Variants in CTDSPL2 observed in about 807,000 individuals in gnomAD.
CTDSPL2 encodes CTD small phosphatase like 2, also known as CTD small phosphatase-like protein 2.
In CTDSPL2, 5 loss-of-function variants were observed where a neutral mutation model predicts 60.0. The ratio of observed to expected loss-of-function variants is 0.08; its 90% confidence interval spans 0.04 to 0.18. The LOEUF (loss-of-function observed/expected upper bound fraction) is 0.18, where lower values mean the gene tolerates loss of function less well. Ranked by LOEUF, CTDSPL2 falls within the 10% of genes least tolerant of loss-of-function variation. The pLI, the probability that CTDSPL2 is intolerant of heterozygous loss-of-function variation, is 1.00. For missense variants in CTDSPL2, 370 were observed against 548.8 expected, an observed-to-expected ratio of 0.67 and a Z score of 3.26; for synonymous variants, 186 against 189.3, an observed-to-expected ratio of 0.98 and a Z score of 0.14.
rs917818588 is a variant in CTDSPL2, at chr15:44,528,925, T to G, written c.*4751T>G. 4 of 152,224 alleles carry G rather than the reference T, an allele frequency of 2.6e-5. No individual in the cohort carries two copies. Among genetic ancestry groups the G allele is most frequent in the African/African-American group, 9.6e-5 (4 of 41,466 alleles). 9.4% of individuals were successfully genotyped at this position (152,224 alleles called of 1,614,324 possible). The stretch of plus-strand genomic sequence containing the variant: ...CTCAATTTAATTTCTTCTTATTTAC[T>G]ATGCAGTATAGCCGTGAACAAGTAA... On this transcript the variant is annotated 3_prime_UTR_variant, in exon 13 of 13. Transcript: ENST00000260327.
intron 1 of CTDSPL2, among the ~76,000 whole-genome samples, chr15:44,443,544 C>T (rs904046923): frequency 5.3e-5 from 8 of 152,146 alleles, no homozygotes; most frequent in African/African-American, 1.7e-4. Flanking sequence ...TCTAATTTCT[C>T]CACATTCTTG....
chr15:44,474,262 G>A (rs887863047), intron 2 of CTDSPL2, among the ~76,000 whole-genome samples: 7 of 152,172 alleles, frequency 4.6e-5, no homozygotes, highest in African/African-American at 1.7e-4. Context: ...GAAGGGCAGA[G>A]GGTGGATTGC....
chr15:44,445,126 G>C (rs1423648572), intron 1 of CTDSPL2, among the ~76,000 whole-genome samples: 4 of 151,728 alleles, frequency 2.6e-5, no homozygotes, highest in Non-Finnish European at 5.9e-5. Flanking sequence ...TTACAGGTGT[G>C]AGCCACCCCG....
chr15:44,511,774 A>T (rs955006862), intron 8 of CTDSPL2, among the ~76,000 whole-genome samples: 3 of 146,172 alleles, frequency 2.1e-5, no homozygotes, highest in African/African-American at 7.5e-5. Context: ...AGGCTGAGGC[A>T]TGAGAATTGC....
chr15:44,500,396 G>C (rs1187889064), intron 8 of CTDSPL2, among the ~76,000 whole-genome samples: 1 of 152,134 alleles, frequency 6.6e-6, no homozygotes, highest in Non-Finnish European at 1.5e-5. Context: ...TTTCACTGTG[G>C]ATTATGTGTG....
chr15:44,439,116 G>A (rs1417345523), intron 1 of CTDSPL2, among the ~76,000 whole-genome samples: 1 of 146,690 alleles, frequency 6.8e-6, no homozygotes, highest in African/African-American at 2.6e-5. Context: ...ATTTTCCCAA[G>A]CTTTATATTA....
intron 2 of CTDSPL2, among the ~76,000 whole-genome samples, chr15:44,476,251 G>A (rs1398961343): frequency 6.6e-6 from 1 of 151,954 alleles, no homozygotes; most frequent in East Asian, 1.9e-4. Flanking sequence ...GTATTTTTTA[G>A]TAGAGATGGG....
intron 2 of CTDSPL2, among the ~76,000 whole-genome samples, chr15:44,475,111 C>A (rs1469665877): frequency 6.6e-6 from 1 of 151,886 alleles, no homozygotes; most frequent in Non-Finnish European, 1.5e-5. Context: ...AATACCAAGT[C>A]CGGCCACATT....
Position 44,524,183 on chromosome 15 carries a change from A to G in CTDSPL2, c.*9A>G. On this transcript the variant is annotated 3_prime_UTR_variant, in exon 13 of 13. Coordinates refer to ENST00000260327, the MANE Select transcript of CTDSPL2 (RefSeq NM_016396.3). ...TGCTGCCCCCAGATTAAGTACAAAG[A>G]CTTGTCAAATCACTGAAGGGGGAGA... 1.2e-6 allele frequency: 2 copies of G among 1,607,590 alleles called. No homozygotes were observed.
At chr15:44,445,500 A>ATT (rs2080191928) in intron 1 of CTDSPL2, among the ~76,000 whole-genome samples, 1 of 150,812 alleles carries the variant, frequency 6.6e-6, no homozygotes. Flanking sequence ...TAGGTTCTAG[A>ATT]TTTTTGAATT....
chr15:44,485,156 G>A (rs545865549), intron 3 of CTDSPL2, among the ~76,000 whole-genome samples: 2 of 152,258 alleles, frequency 1.3e-5, no homozygotes, highest in South Asian at 4.1e-4. Flanking sequence ...GTGTCTACTA[G>A]GTGGATGTCA....
At chr15:44,435,024 G>A (rs2141261509) in intron 1 of CTDSPL2, among the ~76,000 whole-genome samples, 1 of 152,232 alleles carries the variant, frequency 6.6e-6, no homozygotes, top group East Asian at 1.9e-4. Flanking sequence ...CACTTTCGGA[G>A]GCCAAGGCAG....
chr15:44,470,733 C>T (rs2080790119), intron 2 of CTDSPL2, among the ~76,000 whole-genome samples: 1 of 152,094 alleles, frequency 6.6e-6, no homozygotes, highest in South Asian at 2.1e-4. Flanking sequence ...CAGGTGTGAG[C>T]CACCACGCCT....
chr15:44,429,233 T>G (rs957589740), intron 1 of CTDSPL2, among the ~76,000 whole-genome samples: 2 of 152,116 alleles, frequency 1.3e-5, no homozygotes, highest in African/African-American at 4.8e-5. Flanking sequence ...AGCTCTTATG[T>G]GAAGGAGTTT....
At chr15:44,451,154 G>T (rs1480833150) in intron 1 of CTDSPL2, among the ~76,000 whole-genome samples, 1 of 152,118 alleles carries the variant, frequency 6.6e-6, no homozygotes, top group African/African-American at 2.4e-5. Flanking sequence ...AGGCTGGAGT[G>T]CAGTGGTGTG....
At chr15:44,495,292 T>G (rs1260267856) in intron 5 of CTDSPL2, among the ~76,000 whole-genome samples, 1 of 152,106 alleles carries the variant, frequency 6.6e-6, no homozygotes, top group Non-Finnish European at 1.5e-5. Context: ...TTTTTAAGAT[T>G]ATAGTCGTGG....
rs187588667 is a variant in CTDSPL2 at position 44,477,866 on chromosome 15, A to G, written c.187-6358A>G. On this transcript the variant is annotated intron_variant, in intron 2 of 12. Transcript: ENST00000260327. ...AAAAAAAAAAATACTTAACACAAAG[A>G]TATTTTATATGTATTCACATATTTT... Among the ~76,000 whole-genome samples the G allele has an allele frequency of 1.8e-4, 28 of 152,202 alleles. No individual in the cohort carries two copies. In the East Asian group the frequency reaches 5.2e-3, roughly 28 times the overall value.
intron 10 of CTDSPL2, among the ~76,000 whole-genome samples, chr15:44,515,717 A>G (rs150692902): frequency 8.0e-4 from 122 of 152,176 alleles, no homozygotes; most frequent in African/African-American, 2.6e-3. Flanking sequence ...TACTAAAAAT[A>G]CAAAATTTAG....
At chr15:44,472,459 G>A (rs2080830190) in intron 2 of CTDSPL2, among the ~76,000 whole-genome samples, 1 of 151,522 alleles carries the variant, frequency 6.6e-6, no homozygotes, top group Admixed American at 6.6e-5. Flanking sequence ...TCTTTTTTAT[G>A]TGCTTCTTGG....
Sources: gnomAD v4.1 joint callset for allele counts (sites outside exome capture counted in the v4.1 genomes callset) on GRCh38, gnomAD v4.1.1 for gene constraint, MANE v1.5 for transcripts, NCBI Gene and HGNC (gene_info 2026-07-23, HGNC 2026-07-21) for gene names.